The following GALNT10 variants were observed in gnomAD, a reference collection of about 807,000 sequenced individuals.
The protein encoded by GALNT10 is GalNAc transferase 10.
A neutral mutation model predicts 75.0 loss-of-function variants in GALNT10; 41 were observed. The observed-to-expected ratio is 0.55, with a 90% CI of 0.43 to 0.71. The LOEUF (loss-of-function observed/expected upper bound fraction) is 0.71. Ranked by LOEUF, GALNT10 falls within the 30% of genes least tolerant of loss-of-function variation. The probability of loss-of-function intolerance (pLI) is 0.00; values close to 1 mark genes in which losing one functional copy is unlikely to be tolerated. For missense variants in GALNT10, 727 were observed against 818.5 expected (o/e 0.89, Z 1.36); for synonymous variants, 302 against 313.0 (o/e 0.96, Z 0.37).
chr5:154,237,428 GAAAA>G (rs1438823827), intron 1 of GALNT10, among the ~76,000 whole-genome samples: 1 of 152,098 alleles, frequency 6.6e-6, no homozygotes, highest in Non-Finnish European at 1.5e-5. Flanking sequence ...CATTGTGTGT[GAAAA>G]AGAATACCAT....
rs1452072700 is a variant in GALNT10, at chr5:154,404,174, T to C, written c.1127T>C (p.Val376Ala). The C allele has an allele frequency of 6.2e-7, 1 of 1,611,834 alleles. No homozygotes were observed. Among genetic ancestry groups the C allele is most frequent in the Admixed American group, 1.7e-5 (1 of 59,820 alleles). ...GTGGGCCATATCTACAGGAAGTATG[T>C]GCCCTACAAGGTCCCGGCCGGAGTC... ...SRVGHIYRKY[V>A]PYKVPAGVSL... The change falls in exon 8 of 12, where the codon GTG (valine) becomes GCG (alanine). Residue 376 changes from valine to alanine, a missense_variant. Transcript: ENST00000297107.
At chr5:154,357,203 G>A (rs1453121118) in intron 4 of GALNT10, among the ~76,000 whole-genome samples, 1 of 152,124 alleles carries the variant, frequency 6.6e-6, no homozygotes, top group East Asian at 1.9e-4. Context: ...GAACTACCGG[G>A]AAACAACAGC....
intron 1 of GALNT10, among the ~76,000 whole-genome samples, chr5:154,207,383 C>T (rs978029303): frequency 1.3e-5 from 2 of 152,098 alleles, no homozygotes; most frequent in African/African-American, 2.4e-5. Flanking sequence ...GCAGGTTCAT[C>T]AGGGAGATGA....
intron 4 of GALNT10, among the ~76,000 whole-genome samples, chr5:154,339,564 A>C (rs1365737921): frequency 1.3e-5 from 2 of 151,836 alleles, no homozygotes; most frequent in African/African-American, 4.8e-5. Flanking sequence ...ATTTACTGGG[A>C]GAGCAAAAAA....
chr5:154,295,253 A>G (rs1754256216), intron 2 of GALNT10, among the ~76,000 whole-genome samples: 1 of 152,178 alleles, frequency 6.6e-6, no homozygotes, highest in East Asian at 1.9e-4. Context: ...TCTCTCCCTT[A>G]TGAGATTACA....
chr5:154,353,648 CCCTGAGGG>C (rs1314960768), intron 4 of GALNT10, among the ~76,000 whole-genome samples: 1 of 152,242 alleles, frequency 6.6e-6, no homozygotes, highest in African/African-American at 2.4e-5. Flanking sequence ...ATGGGCCCTG[CCCTGAGGG>C]CCTGAGATTC....
At chr5:154,229,583 AT>A (rs939945847) in intron 1 of GALNT10, among the ~76,000 whole-genome samples, 1 of 151,656 alleles carries the variant, frequency 6.6e-6, no homozygotes, top group African/African-American at 2.4e-5. Flanking sequence ...AAAAAAAAAA[AT>A]TCGCCGGGCA....
chr5:154,350,725 C>A lies in GALNT10; in HGVS notation c.568+20987C>A, dbSNP rs543191796. Among the ~76,000 whole-genome samples the A allele has an allele frequency of 7.2e-5, 11 of 152,330 alleles. No homozygotes were observed. The South Asian group carries it at 2.3e-3, about 32-fold the overall frequency. On this transcript the variant is annotated intron_variant, in intron 4 of 11. Coordinates refer to ENST00000297107, the MANE Select transcript of GALNT10 (RefSeq NM_198321.4). ...GAACAGAGCTGGGAAGAGATGTTCA[C>A]AGTTGCTTCTTGTGAGCCTGTGCAA...
intron 1 of GALNT10, among the ~76,000 whole-genome samples, chr5:154,193,303 G>A (rs1250384221): frequency 6.6e-6 from 1 of 152,148 alleles, no homozygotes; most frequent in Non-Finnish European, 1.5e-5. Flanking sequence ...TTTCAAGAAC[G>A]CCCTGCCAAA....
chr5:154,222,599 G>C (rs1336704368), intron 1 of GALNT10, among the ~76,000 whole-genome samples: 2 of 152,108 alleles, frequency 1.3e-5, no homozygotes, highest in African/African-American at 4.8e-5. Flanking sequence ...TAAGAGTCTG[G>C]CTGCTCCGCA....
At chr5:154,405,478 T>C (rs1756260214) in intron 8 of GALNT10, among the ~76,000 whole-genome samples, 1 of 151,728 alleles carries the variant, frequency 6.6e-6, no homozygotes, top group Non-Finnish European at 1.5e-5. Context: ...CTAGGTTCAG[T>C]CCCTTGAAGC....
rs1262828881 is a variant in GALNT10 at position 154,301,753 on chromosome 5, ATTTT to A, written c.401+3675_401+3678del. 1.9e-4 allele frequency among the ~76,000 whole-genome samples: 29 copies of A among 152,200 alleles called. No homozygotes were observed. The East Asian group carries it at 5.2e-3, about 27-fold the overall frequency. On this transcript the variant is annotated intron_variant, in intron 3 of 11. Coordinates refer to ENST00000297107, the MANE Select transcript of GALNT10 (RefSeq NM_198321.4). ...ATTGGTTTTCTTTAAAATCTGGTAC[ATTTT>A]ATGTATTATGAGCATTGCTCTGAGA...
At chr5:154,325,983 T>C (rs1754750010) in intron 3 of GALNT10, among the ~76,000 whole-genome samples, 1 of 152,112 alleles carries the variant, frequency 6.6e-6, no homozygotes, top group Non-Finnish European at 1.5e-5. Flanking sequence ...AAGGAGTTTA[T>C]ACAAAATTAT....
chr5:154,404,672 C>A (rs1756236691), intron 8 of GALNT10, among the ~76,000 whole-genome samples: 1 of 152,104 alleles, frequency 6.6e-6, no homozygotes, highest in South Asian at 2.1e-4. Flanking sequence ...AAAGTAGGTG[C>A]AAAGTTAGAC....
chr5:154,380,605 G>A lies in GALNT10; in HGVS notation c.912G>A (p.Gln304=). The part of the protein sequence containing the change: ...YKRIPIPPEL[Q]KADPSDPFES... ...GGATCCCGATCCCTCCAGAACTGCA[G>A]AAAGCTGACCCCAGCGACCCATTTG... The change falls in exon 6 of 12, where the codon CAG becomes CAA. Residue 304 remains glutamine, a synonymous_variant. Transcript: ENST00000297107. 1 of 1,613,456 alleles carries A rather than the reference G, an allele frequency of 6.2e-7. No individual in the cohort carries two copies. Among genetic ancestry groups the A allele is most frequent in the Non-Finnish European group, 8.5e-7 (1 of 1,179,522 alleles).
At chr5:154,294,964 A>G (rs757043477) in intron 2 of GALNT10, 46 bp downstream of exon 2, 1 of 868,282 alleles carries the variant, frequency 1.2e-6, no homozygotes, top group Non-Finnish European at 2.0e-6. Flanking sequence ...TGAAGGGCAT[A>G]TGCACATATG....
intron 4 of GALNT10, among the ~76,000 whole-genome samples, chr5:154,345,128 A>G (rs1424409012): frequency 2.6e-5 from 4 of 152,292 alleles, no homozygotes; most frequent in East Asian, 3.9e-4. Context: ...CCAAAGATGC[A>G]TCAAAACTCA....
intron 7 of GALNT10, among the ~76,000 whole-genome samples, chr5:154,393,408 C>T (rs1755949491): frequency 6.6e-6 from 1 of 152,170 alleles, no homozygotes; most frequent in Admixed American, 6.5e-5. Context: ...GTGCCATGAA[C>T]CCTTCATCCC....
At chr5:154,261,323 C>T (rs1442586298) in intron 1 of GALNT10, among the ~76,000 whole-genome samples, 1 of 152,092 alleles carries the variant, frequency 6.6e-6, no homozygotes, top group Non-Finnish European at 1.5e-5. Context: ...AAACGGAGCT[C>T]CAGAGCAGGG....
Sources: allele counts gnomAD v4.1 joint callset (sites outside exome capture counted in the v4.1 genomes callset), GRCh38; gene constraint gnomAD v4.1.1; transcripts MANE v1.5; gene names NCBI Gene and HGNC (gene_info 2026-07-23, HGNC 2026-07-21).